The following ALCAM variants were observed in gnomAD, a reference collection of about 807,000 sequenced individuals.
ALCAM encodes CD166 antigen.
Under a neutral mutation model 70.9 loss-of-function variants are expected in ALCAM, and 30 were observed. The observed-to-expected ratio is 0.42, with a 90% CI of 0.32 to 0.57. ALCAM has a LOEUF of 0.57. ALCAM is among the 20% of genes least tolerant of loss of function. ALCAM has a pLI of 0.11. For synonymous variants in ALCAM, 249 were observed against 242.5 expected, an observed-to-expected ratio of 1.03 and a Z score of -0.25; for missense variants, 591 against 695.1, an observed-to-expected ratio of 0.85 and a Z score of 1.68.
At chr3:105,443,711 G>C (rs1937232159) in intron 1 of ALCAM, among the ~76,000 whole-genome samples, 1 of 152,140 alleles carries the variant, frequency 6.6e-6, no homozygotes, top group Non-Finnish European at 1.5e-5. Flanking sequence ...GGCACAGGCA[G>C]GTTTCAAATG....
chr3:105,435,783 TTTTG>T (rs986235489), intron 1 of ALCAM, among the ~76,000 whole-genome samples: 12 of 152,144 alleles, frequency 7.9e-5, no homozygotes, highest in East Asian at 1.9e-4. Context: ...AGAGGTTTTT[TTTTG>T]TTTGTTTGTT....
intron 1 of ALCAM, among the ~76,000 whole-genome samples, chr3:105,486,957 C>CATTT (rs9288808): frequency 0.017 from 2,508 of 148,852 alleles, 30 homozygotes; most frequent in Middle Eastern, 0.048. Flanking sequence ...GAGCATAAGA[C>CATTT]ATTTATTTAT....
chr3:105,396,245 TTGGAGTACAGTGAAGAC>T (rs1559776945), intron 1 of ALCAM, among the ~76,000 whole-genome samples: 1 of 151,980 alleles, frequency 6.6e-6, no homozygotes, highest in East Asian at 1.9e-4. Flanking sequence ...GTGCAAATCA[TTGGAGTACAGTGAAGAC>T]AGAGAATGGA....
chr3:105,399,731 T>G (rs1936042868), intron 1 of ALCAM, among the ~76,000 whole-genome samples: 1 of 152,112 alleles, frequency 6.6e-6, no homozygotes, highest in Non-Finnish European at 1.5e-5. Flanking sequence ...TTCTGACCAC[T>G]CAAACCATGA....
At chr3:105,431,678 A>T (rs1184449030) in intron 1 of ALCAM, among the ~76,000 whole-genome samples, 1 of 152,040 alleles carries the variant, frequency 6.6e-6, no homozygotes, top group East Asian at 1.9e-4. Context: ...AAACCAATCA[A>T]TCTACCATGC....
chr3:105,451,907 C>T (rs1249161165), intron 1 of ALCAM, among the ~76,000 whole-genome samples: 5 of 152,134 alleles, frequency 3.3e-5, no homozygotes, highest in Non-Finnish European at 7.4e-5. Flanking sequence ...CCCATATACA[C>T]TCCCATCACT....
chr3:105,387,568 C>T (rs958564468), intron 1 of ALCAM, among the ~76,000 whole-genome samples: 1 of 151,626 alleles, frequency 6.6e-6, no homozygotes, highest in Non-Finnish European at 1.5e-5. Context: ...GTCTGCGTCA[C>T]TAACTCTATT....
intron 1 of ALCAM, among the ~76,000 whole-genome samples, chr3:105,427,065 G>C (rs1324551479): frequency 1.3e-5 from 2 of 151,784 alleles, no homozygotes; most frequent in Non-Finnish European, 1.5e-5. Flanking sequence ...GGGAAAAAAA[G>C]GAAATCTTTT....
intron 1 of ALCAM, among the ~76,000 whole-genome samples, chr3:105,394,036 G>C (rs1935888209): frequency 6.6e-6 from 1 of 151,776 alleles, no homozygotes; most frequent in Admixed American, 6.6e-5. Flanking sequence ...AATATTTCGA[G>C]TCCATTCTTT....
chr3:105,505,846 T>A (rs115701982), intron 1 of ALCAM, among the ~76,000 whole-genome samples: 3,723 of 152,246 alleles, frequency 0.024, 141 homozygotes, highest in African/African-American at 0.084. Context: ...TATATTTAAT[T>A]TTTTTCATTT....
intron 1 of ALCAM, among the ~76,000 whole-genome samples, chr3:105,484,850 T>C (rs1374433187): frequency 6.6e-6 from 1 of 152,088 alleles, no homozygotes; most frequent in Non-Finnish European, 1.5e-5. Flanking sequence ...GAAAAACAAC[T>C]GGGAAGTTAG....
At chr3:105,510,078 A>G (rs1939195778) in intron 1 of ALCAM, among the ~76,000 whole-genome samples, 1 of 152,086 alleles carries the variant, frequency 6.6e-6, no homozygotes, top group Non-Finnish European at 1.5e-5. Flanking sequence ...GCAGATGTCA[A>G]AATGGATTTA....
At chr3:105,540,813 T>G (rs969649578) in intron 7 of ALCAM, among the ~76,000 whole-genome samples, 5 of 152,064 alleles carry the variant, frequency 3.3e-5, no homozygotes, top group Non-Finnish European at 7.4e-5. Context: ...CTTACAAATT[T>G]CATCTACCAC....
chr3:105,468,560 G>A (rs1273497325), intron 1 of ALCAM, among the ~76,000 whole-genome samples: 2 of 151,288 alleles, frequency 1.3e-5, no homozygotes, highest in Non-Finnish European at 3.0e-5. Context: ...CATATGTCAT[G>A]AAGAAGATGG....
intron 1 of ALCAM, among the ~76,000 whole-genome samples, chr3:105,410,823 AT>A (rs1411446072): frequency 2.4e-5 from 3 of 124,714 alleles, no homozygotes; most frequent in African/African-American, 8.9e-5. Context: ...ATTAGAAATG[AT>A]TGTGGGGCAC....
chr3:105,368,539 G>T (rs1409852272), intron 1 of ALCAM, among the ~76,000 whole-genome samples: 1 of 151,896 alleles, frequency 6.6e-6, no homozygotes, highest in Non-Finnish European at 1.5e-5. Flanking sequence ...TGGTATTTTG[G>T]CCTGTTTGTT....
At chr3:105,540,710 C>T (rs1451670165) in intron 7 of ALCAM, among the ~76,000 whole-genome samples, 1 of 151,980 alleles carries the variant, frequency 6.6e-6, no homozygotes, top group Non-Finnish European at 1.5e-5. Flanking sequence ...CTGAGGATGC[C>T]TGTTTGCTCT....
intron 1 of ALCAM, among the ~76,000 whole-genome samples, chr3:105,371,725 A>G (rs956824394): frequency 1.3e-5 from 2 of 152,148 alleles, no homozygotes; most frequent in African/African-American, 4.8e-5. Flanking sequence ...TATTTAGCAT[A>G]AAACACCATC....
intron 1 of ALCAM, among the ~76,000 whole-genome samples, chr3:105,493,689 T>C (rs576842021): frequency 6.6e-6 from 1 of 152,276 alleles, no homozygotes; most frequent in Non-Finnish European, 1.5e-5. Context: ...CTCCAGAAAG[T>C]AACAATCTGC....
Sources: allele counts gnomAD v4.1 joint callset (sites outside exome capture counted in the v4.1 genomes callset), GRCh38; gene constraint gnomAD v4.1.1; transcripts MANE v1.5; gene names NCBI Gene and HGNC (gene_info 2026-07-23, HGNC 2026-07-21).